Variants in FMNL2 observed in about 807,000 individuals in gnomAD.
FMNL2 encodes formin-like protein 2.
In FMNL2, 51 loss-of-function variants were observed where a neutral mutation model predicts 130.2. The observed-to-expected ratio is 0.39, with a 90% CI of 0.31 to 0.49. The LOEUF (loss-of-function observed/expected upper bound fraction) is 0.49. Among genes scored for constraint, FMNL2 ranks in the 20% least tolerant of loss-of-function variants. The pLI is 0.85. For synonymous variants in FMNL2, 465 were observed against 467.1 expected (o/e 1.00, Z 0.06); for missense variants, 977 against 1,316.2 (o/e 0.74, Z 3.99).
intron 1 of FMNL2, among the ~76,000 whole-genome samples, chr2:152,360,293 C>CT (rs1683086490): frequency 6.6e-6 from 1 of 151,974 alleles, no homozygotes; most frequent in Non-Finnish European, 1.5e-5. Context: ...GCTTCTTTTT[C>CT]TTTTTTCCTC....
intron 5 of FMNL2, among the ~76,000 whole-genome samples, chr2:152,559,665 G>A (rs1318628121): frequency 1.3e-5 from 2 of 152,200 alleles, no homozygotes; most frequent in East Asian, 3.8e-4. Flanking sequence ...AGGATGAGCT[G>A]AGAGGAACAC....
intron 2 of FMNL2, among the ~76,000 whole-genome samples, chr2:152,538,310 G>A (rs1444429096): frequency 6.6e-6 from 1 of 151,752 alleles, no homozygotes; most frequent in Non-Finnish European, 1.5e-5. Context: ...TTGAGATGGA[G>A]ACTCTGTCGC....
At chr2:152,472,517 A>G (rs940148185) in intron 1 of FMNL2, among the ~76,000 whole-genome samples, 2 of 152,226 alleles carry the variant, frequency 1.3e-5, no homozygotes, top group Admixed American at 1.3e-4. Flanking sequence ...TCTTTATCCC[A>G]GTTGTGTTTG....
intron 1 of FMNL2, among the ~76,000 whole-genome samples, chr2:152,349,537 G>A (rs1340875409): frequency 1.3e-5 from 2 of 152,132 alleles, no homozygotes; most frequent in Admixed American, 6.5e-5. Context: ...CTTCTTGTTC[G>A]TTCTTCACAT....
chr2:152,377,355 A>G (rs1440478984), intron 1 of FMNL2, among the ~76,000 whole-genome samples: 1 of 152,216 alleles, frequency 6.6e-6, no homozygotes, highest in African/African-American at 2.4e-5. Context: ...AAATTCTCAG[A>G]TAAGCATCTC....
intron 1 of FMNL2, among the ~76,000 whole-genome samples, chr2:152,511,956 C>T (rs767526607): frequency 3.3e-5 from 5 of 152,152 alleles, no homozygotes; most frequent in Non-Finnish European, 7.3e-5. Context: ...CTCTTCAGAT[C>T]TTATCACATA....
chr2:152,357,096 A>G (rs1423310479), intron 1 of FMNL2, among the ~76,000 whole-genome samples: 1 of 124,028 alleles, frequency 8.1e-6, no homozygotes, highest in African/African-American at 3.4e-5. Context: ...ATATTACATA[A>G]GTTTAATGTA....
At chr2:152,379,597 A>G (rs568642589) in intron 1 of FMNL2, among the ~76,000 whole-genome samples, 9 of 152,290 alleles carry the variant, frequency 5.9e-5, no homozygotes, top group Admixed American at 2.0e-4. Context: ...AGTGTTATAT[A>G]TATCATTTTT....
chr2:152,564,353 T>A (rs924562571), intron 6 of FMNL2, among the ~76,000 whole-genome samples: 6 of 152,056 alleles, frequency 3.9e-5, no homozygotes, highest in African/African-American at 1.4e-4. Flanking sequence ...TTGGTTAATC[T>A]TGGAAGAAAA....
chr2:152,591,179 T>A (rs1189078619), intron 9 of FMNL2, among the ~76,000 whole-genome samples: 1 of 151,650 alleles, frequency 6.6e-6, no homozygotes, highest in African/African-American at 2.4e-5. Context: ...TGGCTAATTT[T>A]TTTGTATTTT....
At chr2:152,602,782 G>A (rs765228227) in intron 9 of FMNL2, among the ~76,000 whole-genome samples, 2 of 152,078 alleles carry the variant, frequency 1.3e-5, no homozygotes, top group Non-Finnish European at 2.9e-5. Context: ...TTGATGAAGC[G>A]CTCGAGTTCA....
intron 11 of FMNL2, among the ~76,000 whole-genome samples, chr2:152,613,807 C>G (rs1334238987): frequency 2.0e-5 from 3 of 152,184 alleles, no homozygotes; most frequent in Non-Finnish European, 4.4e-5. Context: ...AGGTATTATT[C>G]TAATCACTCA....
chr2:152,532,226 G>C (rs1326692144), intron 2 of FMNL2, among the ~76,000 whole-genome samples: 6 of 152,164 alleles, frequency 3.9e-5, no homozygotes, highest in African/African-American at 1.4e-4. Flanking sequence ...TTTTTCAAGA[G>C]AGTTGTGCTC....
chr2:152,532,580 A>C (rs1428896819), intron 2 of FMNL2, among the ~76,000 whole-genome samples: 3 of 149,546 alleles, frequency 2.0e-5, no homozygotes, highest in Non-Finnish European at 3.0e-5. Context: ...TGCTCTGTTC[A>C]AATCTTTTGC....
chr2:152,359,657 G>C (rs1388746377), intron 1 of FMNL2, among the ~76,000 whole-genome samples: 1 of 151,988 alleles, frequency 6.6e-6, no homozygotes, highest in Non-Finnish European at 1.5e-5. Flanking sequence ...ATCTTTTGGT[G>C]GGAGAGATTC....
In FMNL2 at chr2:152,524,677, C is replaced by T. The variant is rs2105415004; in HGVS notation, c.201+2651C>T. On this transcript the variant is annotated intron_variant, in intron 2 of 25. Transcript: ENST00000288670. ...AAGAGCTCTTTCAGTGGCATTTACA[C>T]TTATGGAAAGAGAGAAAGCCCCTTA... 1.3e-5 allele frequency among the ~76,000 whole-genome samples: 2 copies of T among 152,294 alleles called. 1 individual carries two copies. The highest frequency in any genetic ancestry group is 4.1e-4 in the South Asian group (2 of 4,822).
At chr2:152,568,755 A>G (rs1292959377) in intron 6 of FMNL2, among the ~76,000 whole-genome samples, 1 of 152,182 alleles carries the variant, frequency 6.6e-6, no homozygotes, top group Non-Finnish European at 1.5e-5. Flanking sequence ...TTGAGAACTC[A>G]GTATCATGAG....
At chr2:152,592,133 G>T (rs75428080) in intron 9 of FMNL2, among the ~76,000 whole-genome samples, 2 of 152,124 alleles carry the variant, frequency 1.3e-5, no homozygotes, top group Non-Finnish European at 2.9e-5. Flanking sequence ...CATGATTTCC[G>T]TGCCACAGAA....
chr2:152,458,096 T>C (rs561891763), intron 1 of FMNL2, among the ~76,000 whole-genome samples: 2 of 152,350 alleles, frequency 1.3e-5, no homozygotes, highest in East Asian at 3.9e-4. Context: ...TCATAGGTTC[T>C]GGGGATTGGG....
Sources: gnomAD v4.1 joint callset for allele counts (sites outside exome capture counted in the v4.1 genomes callset) on GRCh38, gnomAD v4.1.1 for gene constraint, MANE v1.5 for transcripts, NCBI Gene and HGNC (gene_info 2026-07-23, HGNC 2026-07-21) for gene names.